The following BNC2 variants were observed in gnomAD, a reference collection of about 807,000 sequenced individuals.
The protein encoded by BNC2 is basonuclin zinc finger protein 2, also known as zinc finger protein basonuclin-2.
BNC2 carries 20 observed loss-of-function variants against 76.3 expected under a neutral mutation model. That is an observed-to-expected ratio of 0.26 (90% CI 0.18 to 0.38). The LOEUF (loss-of-function observed/expected upper bound fraction) is 0.38, where lower values mean the gene tolerates loss of function less well. Ranked by LOEUF, BNC2 falls within the 10% of genes least tolerant of loss-of-function variation. The pLI, the probability that BNC2 is intolerant of heterozygous loss-of-function variation, is 1.00. For synonymous variants in BNC2, 582 were observed against 514.8 expected (o/e 1.13, Z -1.77); for missense variants, 1,382 against 1,399.8 (o/e 0.99, Z 0.20).
At chr9:16,575,355 C>T in intron 4 of BNC2, 1 of 985,410 alleles carries the variant, frequency 1.0e-6, no homozygotes, top group Non-Finnish European at 1.2e-6. Flanking sequence ...AGTGACTACA[C>T]TGGAGGCCAG....
chr9:16,845,476 A>C (rs759053636), intron 1 of BNC2, among the ~76,000 whole-genome samples: 215 of 149,762 alleles, frequency 1.4e-3, no homozygotes, highest in African/African-American at 3.3e-3. Flanking sequence ...AATCCCAGCA[A>C]TTTGGGAGGC....
chr9:16,729,484 A>AT (rs1289394348), intron 2 of BNC2, among the ~76,000 whole-genome samples: 1 of 152,216 alleles, frequency 6.6e-6, no homozygotes, highest in Non-Finnish European at 1.5e-5. Context: ...AACGTACACT[A>AT]TGTTGACACA....
intron 3 of BNC2, among the ~76,000 whole-genome samples, chr9:16,703,006 G>A (rs973869378): frequency 6.6e-6 from 1 of 152,128 alleles, no homozygotes; most frequent in African/African-American, 2.4e-5. Flanking sequence ...AACAAGTGAT[G>A]ATATTTTTTA....
intron 4 of BNC2, among the ~76,000 whole-genome samples, chr9:16,574,321 C>T (rs12002673): frequency 0.17 from 26,326 of 152,088 alleles, 4,189 homozygotes; most frequent in African/African-American, 0.42. Flanking sequence ...TGCAAAAAGA[C>T]AGGTGTGAAA....
chr9:16,509,623 G>A (rs1240275055), intron 5 of BNC2, among the ~76,000 whole-genome samples: 1 of 152,052 alleles, frequency 6.6e-6, no homozygotes, highest in Non-Finnish European at 1.5e-5. Flanking sequence ...TACTAACCTG[G>A]GTAAAAGTAA....
Position 16,436,447 on chromosome 9 carries a change from C to A in BNC2, c.1747G>T (p.Val583Leu). The A allele has an allele frequency of 6.2e-7, 1 of 1,614,012 alleles. No homozygotes were observed. The highest frequency in any genetic ancestry group is 8.5e-7 in the Non-Finnish European group (1 of 1,180,022). ...YRSLLTPGEM[V>L]SPPTSLPTSP... ...GTTGGGAGGGAGGTTGGAGGACTCA[C>A]CATTTCCCCTGGAGTGAGTAAACTT... Residue 583 changes from valine to leucine, a missense_variant, in exon 6 of 7, where the codon GTG (valine) becomes TTG (leucine). Val to Leu is a conservative substitution (Grantham distance 32, BLOSUM62 1). Transcript: ENST00000380672.
chr9:16,669,730 T>G (rs1478639785), intron 3 of BNC2, among the ~76,000 whole-genome samples: 2 of 152,198 alleles, frequency 1.3e-5, no homozygotes, highest in African/African-American at 4.8e-5. Flanking sequence ...GCTTAAATTA[T>G]CATTCCTATA....
At chr9:16,582,900 C>CACACACACACAA (rs1232337847) in intron 4 of BNC2, 83 bp downstream of exon 4, 8 of 829,856 alleles carry the variant, frequency 9.6e-6, no homozygotes, top group African/African-American at 5.0e-5. Context: ...CAGACACACA[C>CACACACACACAA]ACACACACAC....
intron 5 of BNC2, among the ~76,000 whole-genome samples, chr9:16,467,520 A>G (rs1278699958): frequency 8.2e-6 from 1 of 122,474 alleles, no homozygotes; most frequent in Non-Finnish European, 1.7e-5. Context: ...TGATGAGTTC[A>G]TGTCCTTTGT....
At chr9:16,492,981 T>C (rs1309463097) in intron 5 of BNC2, among the ~76,000 whole-genome samples, 1 of 152,154 alleles carries the variant, frequency 6.6e-6, no homozygotes, top group African/African-American at 2.4e-5. Context: ...ATGATGCCAT[T>C]AAGAAAATGT....
intron 3 of BNC2, among the ~76,000 whole-genome samples, chr9:16,726,284 C>T (rs540335339): frequency 6.6e-6 from 1 of 152,242 alleles, no homozygotes; most frequent in East Asian, 1.9e-4. Flanking sequence ...ATTTAAATCC[C>T]AGCTTACTGT....
At chr9:16,866,849 T>C (rs1227761641) in intron 1 of BNC2, among the ~76,000 whole-genome samples, 1 of 152,096 alleles carries the variant, frequency 6.6e-6, no homozygotes, top group Non-Finnish European at 1.5e-5. Flanking sequence ...CCAATGATAC[T>C]ATATAATTCC....
intron 1 of BNC2, among the ~76,000 whole-genome samples, chr9:16,854,622 T>C (rs1343297954): frequency 6.6e-6 from 1 of 152,086 alleles, no homozygotes; most frequent in Non-Finnish European, 1.5e-5. Context: ...TGTAAGGCAG[T>C]AGCATGAGGT....
At position 16,416,174 on chromosome 9, in the gene BNC2, G is replaced by C. The variant is rs1163648796; in HGVS notation, c.*2815C>G. 6.6e-6 allele frequency: 1 copy of C among 152,212 alleles called. No homozygotes were observed. The highest frequency in any genetic ancestry group is 1.5e-5 in the Non-Finnish European group (1 of 68,038). The allele number at this position is 152,212 out of a possible 1,614,324, so 9.4% of individuals were successfully genotyped here. On this transcript the variant is annotated 3_prime_UTR_variant, in exon 7 of 7. Coordinates refer to ENST00000380672, the MANE Select transcript of BNC2 (RefSeq NM_017637.6). ...TAAATTAAACAGACTAAACATTGCT[G>C]TTGTACAAGATGAGTTCTAGTAACT...
chr9:16,616,604 A>G (rs1424296634), intron 3 of BNC2, among the ~76,000 whole-genome samples: 3 of 150,818 alleles, frequency 2.0e-5, no homozygotes, highest in African/African-American at 7.3e-5. Flanking sequence ...GAGAATCTCT[A>G]CTTGAGCCCA....
intron 1 of BNC2, among the ~76,000 whole-genome samples, chr9:16,816,183 A>C (rs912275142): frequency 6.6e-6 from 1 of 152,166 alleles, no homozygotes; most frequent in African/African-American, 2.4e-5. Flanking sequence ...CACTAGCTTG[A>C]GACATTGTTC....
At chr9:16,861,202 A>ATATATATATATATATATATATATAT (rs1819401714) in intron 1 of BNC2, among the ~76,000 whole-genome samples, 1 of 147,752 alleles carries the variant, frequency 6.8e-6, no homozygotes, top group African/African-American at 2.6e-5. Flanking sequence ...ATATATATAT[A>ATATATATATATATATATATATATAT]AATTAACCAG....
chr9:16,803,504 T>G (rs1817832256), intron 1 of BNC2, among the ~76,000 whole-genome samples: 1 of 152,196 alleles, frequency 6.6e-6, no homozygotes, highest in Non-Finnish European at 1.5e-5. Context: ...GAAGACAACC[T>G]TCCTTTAAAT....
Position 16,419,591 on chromosome 9 carries a change from C to G in BNC2, c.2698G>C (p.Gly900Arg), listed in dbSNP as rs781416101. The change falls in exon 7 of 7, where the codon GGC becomes CGC. Residue 900 changes from glycine to arginine, a missense_variant. Physicochemically the swap from Gly to Arg is moderately radical, Grantham distance 125. Around this residue, in one of 3 missense-constraint regions of BNC2, gnomAD observed 798 missense variants for 775.5 expected, o/e 1.03. Transcript: ENST00000380672. ...AGGGAGGGCTGCGACGAGTCCAGGC[C>G]CATGTCATCGAGTTCTTTGGTCAAC... The part of the protein sequence containing the change: ...KLLTKELDDM[G>R]LDSSQPSLSK... The G allele has an allele frequency of 2.5e-6, 4 of 1,610,426 alleles. No individual in the cohort carries two copies. The highest frequency in any genetic ancestry group is 3.4e-6 in the Non-Finnish European group (4 of 1,179,656).
Sources: gnomAD v4.1 joint callset for allele counts (sites outside exome capture counted in the v4.1 genomes callset) on GRCh38, gnomAD v4.1.1 for gene constraint, gnomAD v4.1.1 regional missense constraint, MANE v1.5 for transcripts, NCBI Gene and HGNC (gene_info 2026-07-23, HGNC 2026-07-21) for gene names.